UBE3D: variants seen among roughly 807,000 people sequenced by gnomAD.
UBE3D encodes ubiquitin protein ligase E3D.
A neutral mutation model predicts 49.6 loss-of-function variants in UBE3D; 48 were observed. That is an observed-to-expected ratio of 0.97 (90% CI 0.77 to 1.23). The LOEUF (loss-of-function observed/expected upper bound fraction) is 1.23. UBE3D is among the 50% of genes most tolerant of loss of function. The probability of loss-of-function intolerance (pLI) is 0.00; values close to 1 mark genes in which losing one functional copy is unlikely to be tolerated. For missense variants in UBE3D, 452 were observed against 468.4 expected, an observed-to-expected ratio of 0.96 and a Z score of 0.32; for synonymous variants, 189 against 174.2, an observed-to-expected ratio of 1.08 and a Z score of -0.67.
chr6:83,019,419 G>A (rs1180569908), intron 7 of UBE3D, among the ~76,000 whole-genome samples: 1 of 150,592 alleles, frequency 6.6e-6, no homozygotes, highest in Non-Finnish European at 1.5e-5. Context: ...GGGTAAAACA[G>A]CCCAAGAGAA....
intron 8 of UBE3D, among the ~76,000 whole-genome samples, chr6:82,972,265 GCACTTGGCAATGGTATAACTCAATT>G (rs1777409429): frequency 1.3e-5 from 2 of 152,160 alleles, no homozygotes. Flanking sequence ...TCACAAGAGG[GCACTTGGCAATGGTATAACTCAATT>G]CACATGAATA....
At chr6:82,969,480 T>C (rs1356465846) in intron 8 of UBE3D, among the ~76,000 whole-genome samples, 1 of 152,070 alleles carries the variant, frequency 6.6e-6, no homozygotes, top group Non-Finnish European at 1.5e-5. Context: ...TGGTGGCACA[T>C]GCCTGTGGGC....
At chr6:83,030,912 G>A (rs1484910729) in intron 5 of UBE3D, among the ~76,000 whole-genome samples, 1 of 152,154 alleles carries the variant, frequency 6.6e-6, no homozygotes, top group Non-Finnish European at 1.5e-5. Flanking sequence ...CTCTTGTTAT[G>A]CTTTAGGAAA....
At position 83,027,458 on chromosome 6, in the gene UBE3D, A is replaced by AAAAAAG. The variant is rs571635643; in HGVS notation, c.668-3421_668-3420insCTTTTT. ...TCAAAAAAAAAAAAAAAAAAAAAAA[A>AAAAAAG]AAAGAAACCACTAGTATTGAATTAA... On this transcript the variant is annotated intron_variant, in intron 5 of 9. Transcript: ENST00000369747. Among the ~76,000 whole-genome samples, 258 of 147,548 alleles carry AAAAAAG rather than the reference A, an allele frequency of 1.7e-3. 4 individuals are homozygous for AAAAAAG. Among genetic ancestry groups the AAAAAAG allele is most frequent in the African/African-American group, 6.0e-3 (239 of 40,166 alleles).
chr6:83,060,071 G>A (rs577223990), intron 1 of UBE3D, among the ~76,000 whole-genome samples: 53 of 152,134 alleles, frequency 3.5e-4, no homozygotes, highest in Non-Finnish European at 6.3e-4. Context: ...GGGGGGCCCC[G>A]CCCTCAAGAA....
At chr6:82,882,357 T>A in the UBE3D span, among the ~76,000 whole-genome samples, 3 of 152,190 alleles carry the variant, frequency 2.0e-5, no homozygotes, top group African/African-American at 7.2e-5. Flanking sequence ...AAAGAAAAGT[T>A]TGGGAAACCC....
intron 9 of UBE3D, among the ~76,000 whole-genome samples, chr6:82,910,996 G>C (rs1340364929): frequency 6.6e-6 from 1 of 152,042 alleles, no homozygotes; most frequent in Non-Finnish European, 1.5e-5. Flanking sequence ...TAATTAGAGA[G>C]TGATGATGCA....
intron 9 of UBE3D, among the ~76,000 whole-genome samples, chr6:82,913,969 A>G (rs1419777423): frequency 6.6e-6 from 1 of 152,164 alleles, no homozygotes; most frequent in Non-Finnish European, 1.5e-5. Flanking sequence ...ACTTTGGCTC[A>G]CAGAATTACA....
chr6:83,021,212 G>A (rs1329174897), intron 7 of UBE3D, among the ~76,000 whole-genome samples: 2 of 152,084 alleles, frequency 1.3e-5, no homozygotes, highest in Non-Finnish European at 2.9e-5. Context: ...AGGCCAAAGT[G>A]GGAGGATTAC....
At chr6:82,911,001 G>A (rs1772462880) in intron 9 of UBE3D, among the ~76,000 whole-genome samples, 1 of 152,004 alleles carries the variant, frequency 6.6e-6, no homozygotes, top group Non-Finnish European at 1.5e-5. Flanking sequence ...AGAGAGTGAT[G>A]ATGCATTCTT....
chr6:82,968,124 G>T (rs567198406), intron 8 of UBE3D, among the ~76,000 whole-genome samples: 77 of 152,150 alleles, frequency 5.1e-4, no homozygotes, highest in Middle Eastern at 3.4e-3. Flanking sequence ...ATTTCTCCAG[G>T]ATAAAAGGCC....
At chr6:83,016,250 G>A (rs1294440603) in intron 8 of UBE3D, among the ~76,000 whole-genome samples, 1 of 152,144 alleles carries the variant, frequency 6.6e-6, no homozygotes, top group African/African-American at 2.4e-5. Context: ...TTTGTCCAGT[G>A]AACTTAGGAG....
intron 9 of UBE3D, among the ~76,000 whole-genome samples, chr6:82,921,048 A>G (rs888674035): frequency 6.7e-6 from 1 of 150,322 alleles, no homozygotes; most frequent in African/African-American, 2.5e-5. Flanking sequence ...CTTAACTGCC[A>G]GGGTGCAAGT....
chr6:82,902,817 T>C (rs929435674), intron 9 of UBE3D, among the ~76,000 whole-genome samples: 1 of 152,190 alleles, frequency 6.6e-6, no homozygotes, highest in Non-Finnish European at 1.5e-5. Flanking sequence ...TGTTAATATG[T>C]TTTTGTGCAG....
intron 1 of UBE3D, among the ~76,000 whole-genome samples, chr6:83,062,780 A>C (rs1784251057): frequency 6.6e-6 from 1 of 152,244 alleles, no homozygotes; most frequent in African/African-American, 2.4e-5. Context: ...CTATGCAAAC[A>C]GTATAGTCAA....
intron 1 of UBE3D, among the ~76,000 whole-genome samples, chr6:83,061,169 A>G (rs1036134215): frequency 6.6e-6 from 1 of 152,232 alleles, no homozygotes; most frequent in African/African-American, 2.4e-5. Flanking sequence ...GAAACATAAG[A>G]CAAATCCAAA....
At chr6:82,944,032 C>A (rs949440680) in intron 9 of UBE3D, among the ~76,000 whole-genome samples, 1 of 152,082 alleles carries the variant, frequency 6.6e-6, no homozygotes, top group African/African-American at 2.4e-5. Flanking sequence ...CATAAAAAAA[C>A]TTGAAACAAC....
In UBE3D at chr6:83,059,079, A is replaced by T. The variant is rs528589528; in HGVS notation, c.78-1057T>A. Among the ~76,000 whole-genome samples the T allele has an allele frequency of 1.8e-4, 28 of 152,280 alleles. 1 individual carries two copies. Among genetic ancestry groups the T allele is most frequent in the African/African-American group, 6.7e-4 (28 of 41,558 alleles). ...TATACTTTTTATTTTTTAAAAAACA[A>T]CCCTTAAAAAATGTAAAATCAGCAG... On this transcript the variant is annotated intron_variant, in intron 1 of 9. Coordinates refer to ENST00000369747, the MANE Select transcript of UBE3D (RefSeq NM_198920.3).
chr6:83,001,302 GTC>G lies in UBE3D; in HGVS notation c.1010+17669_1010+17670del, dbSNP rs59248229. 5.2e-4 allele frequency among the ~76,000 whole-genome samples: 79 copies of G among 152,242 alleles called. No homozygotes were observed. In the East Asian group the frequency reaches 0.015, roughly 29 times the overall value. Reference sequence around the variant, plus strand: ...GATTGTAATAAGTCTGTGATACAAGGTCTCTTTTAGCTCAATATTAAATTCCT... The same window carrying G: ...GATTGTAATAAGTCTGTGATACAAGGTCTTTTAGCTCAATATTAAATTCCT... On this transcript the variant is annotated intron_variant, in intron 8 of 9. Transcript: ENST00000369747.
Sources: allele counts gnomAD v4.1 joint callset (sites outside exome capture counted in the v4.1 genomes callset), GRCh38; gene constraint gnomAD v4.1.1; transcripts MANE v1.5; gene names NCBI Gene and HGNC (gene_info 2026-07-23, HGNC 2026-07-21).